SRSF7: variants seen among roughly 807,000 people sequenced by gnomAD.
SRSF7 encodes the protein serine and arginine rich splicing factor 7.
A neutral mutation model predicts 42.2 loss-of-function variants in SRSF7; 15 were observed. That is an observed-to-expected ratio of 0.36 (90% CI 0.24 to 0.55). SRSF7 has a LOEUF of 0.55. Ranked by LOEUF, SRSF7 falls within the 20% of genes least tolerant of loss-of-function variation. The probability of loss-of-function intolerance (pLI) is 0.88; values close to 1 mark genes in which losing one functional copy is unlikely to be tolerated. For synonymous variants in SRSF7, 138 were observed against 107.9 expected (o/e 1.28, Z -1.73); for missense variants, 181 against 305.9 (o/e 0.59, Z 3.04).
At chr2:38,751,082 T>A in intron 1 of SRSF7, 147 bp downstream of exon 1, 1 of 1,045,944 alleles carries the variant, frequency 9.6e-7, no homozygotes, top group Non-Finnish European at 1.5e-6. Flanking sequence ...GCACCCCGCC[T>A]CCGCTGCCTC....
intron 5 of SRSF7, 89 bp from the exon 6 acceptor site, chr2:38,746,836 A>G: frequency 6.4e-7 from 1 of 1,572,034 alleles, no homozygotes; most frequent in South Asian, 1.2e-5. Flanking sequence ...TTGGTCAGGC[A>G]TAAAGAAGCT....
chr2:38,751,423 CGTT>C (rs774773896), upstream of SRSF7: 43 of 861,112 alleles, frequency 5.0e-5, no homozygotes, highest in Middle Eastern at 7.1e-4. Flanking sequence ...TGCGTCATCT[CGTT>C]GTTCTGCGCG....
In SRSF7 at chr2:38,748,186, C is replaced by T. The variant is rs201338373; in HGVS notation, c.462-29G>A. On this transcript the variant is annotated intron_variant, in intron 4 of 7. Transcript: ENST00000313117. ...AAATAAAGAACTTTAAGTCCATCTCCACAGTTTTTTTTTTTTTTGGCCTGT... is the reference window on the plus strand; with the variant it reads ...AAATAAAGAACTTTAAGTCCATCTCTACAGTTTTTTTTTTTTTTGGCCTGT... 2.2e-5 allele frequency: 33 copies of T among 1,518,178 alleles called. No homozygotes were observed. In the East Asian group the frequency reaches 7.0e-4, roughly 32 times the overall value. 94.0% of individuals were successfully genotyped at this position (1,518,178 alleles called of 1,614,324 possible).
intron 3 of SRSF7, 105 bp from the exon 4 acceptor site, chr2:38,748,758 GTC>G: frequency 7.6e-7 from 1 of 1,316,668 alleles, no homozygotes; most frequent in East Asian, 2.3e-5. Flanking sequence ...TAAATTTAGT[GTC>G]TCATTTGGAA....
intron 1 of SRSF7, chr2:38,750,956 GA>G: frequency 4.9e-6 from 2 of 407,650 alleles, no homozygotes; most frequent in South Asian, 3.0e-5. Context: ...GCAGCTCCGA[GA>G]AAGGCAACGC....
At chr2:38,748,493 C>CA (rs1208258829) in intron 4 of SRSF7, 86 bp downstream of exon 4, 101 of 1,411,796 alleles carry the variant, frequency 7.2e-5, no homozygotes, top group Non-Finnish European at 8.4e-5. Context: ...ACCCTGTCTC[C>CA]AAAAAAAATA....
At chr2:38,748,976 G>T in intron 3 of SRSF7, 1 of 1,288,316 alleles carries the variant, frequency 7.8e-7, no homozygotes. Context: ...ATAGCCGATC[G>T]CTGCATCTAG....
At chr2:38,747,970 G>A (rs553144486) in intron 5 of SRSF7, 77 bp downstream of exon 5, 21 of 1,011,522 alleles carry the variant, frequency 2.1e-5, no homozygotes, top group East Asian at 2.5e-5. Flanking sequence ...CAATCCATTT[G>A]AATTATGTCC....
intron 1 of SRSF7, 161 bp downstream of exon 1, chr2:38,751,068 T>G (rs907274379): frequency 2.2e-6 from 2 of 897,700 alleles, no homozygotes; most frequent in African/African-American, 3.3e-5. Flanking sequence ...CCCGTCTCCC[T>G]TCAGCACCCC....
At position 38,743,721 on chromosome 2, in the gene SRSF7, C is replaced by G; in HGVS notation, c.*1412G>C. The G allele has an allele frequency of 1.3e-5, 2 of 152,626 alleles. No individual in the cohort carries two copies. Among genetic ancestry groups the G allele is most frequent in the South Asian group, 4.1e-4 (2 of 4,828 alleles). The allele number at this position is 152,626 out of a possible 1,614,324, so 9.5% of individuals were successfully genotyped here. A position where few individuals can be genotyped will look rare whatever the true frequency, so the allele number is the denominator to read the frequency against. On this transcript the variant is annotated 3_prime_UTR_variant, in exon 8 of 8. Coordinates refer to ENST00000313117, the MANE Select transcript of SRSF7 (RefSeq NM_001031684.3). ...TGCCAGTTATACACATAACTTTATA[C>G]CAACCATAATTCAGCCAGTCAAAAT...
chr2:38,748,436 T>C (rs1018770946), intron 4 of SRSF7, 143 bp downstream of exon 4: 3 of 809,772 alleles, frequency 3.7e-6, no homozygotes, highest in African/African-American at 3.4e-5. Flanking sequence ...AAGGCAGCAG[T>C]GAGTCGTGGT....
chr2:38,746,802 T>G (rs1158277661), intron 5 of SRSF7, 55 bp from the exon 6 acceptor site: 7 of 1,605,708 alleles, frequency 4.4e-6, no homozygotes, highest in Middle Eastern at 1.7e-4. Context: ...AGGAATTTCC[T>G]TAACTACTCA....
In SRSF7 at chr2:38,744,591, C is replaced by G; in HGVS notation, c.*542G>C. On this transcript the variant is annotated 3_prime_UTR_variant, in exon 8 of 8. Coordinates refer to ENST00000313117, the MANE Select transcript of SRSF7 (RefSeq NM_001031684.3). Reference sequence around the variant, plus strand: ...TGGTCCTACTTGCTTCACCACTGATCATACAATACCTACTAACACCAACTT... The same window carrying G: ...TGGTCCTACTTGCTTCACCACTGATGATACAATACCTACTAACACCAACTT... 1.3e-5 allele frequency: 2 copies of G among 152,958 alleles called. No individual in the cohort carries two copies. The highest frequency in any genetic ancestry group is 1.5e-5 in the Non-Finnish European group (1 of 68,578). The allele number at this position is 152,958 out of a possible 1,614,324, so 9.5% of individuals were successfully genotyped here.
At chr2:38,747,882 T>A (rs1265014910) in intron 5 of SRSF7, among the ~76,000 whole-genome samples, 165 bp downstream of exon 5, 1 of 152,224 alleles carries the variant, frequency 6.6e-6, no homozygotes, top group Admixed American at 6.5e-5. Context: ...CTTTTCTTCA[T>A]CTGTAAAACT....
At position 38,748,861 on chromosome 2, in the gene SRSF7, A is replaced by G; in HGVS notation, c.387-208T>C. On this transcript the variant is annotated intron_variant, in intron 3 of 7. Coordinates refer to ENST00000313117, the MANE Select transcript of SRSF7 (RefSeq NM_001031684.3). Reference sequence around the variant, plus strand: ...AAGCTGAATTACAACTTAGCATTACATAATATAAAACACTGTAATGTGTAT... The same window carrying G: ...AAGCTGAATTACAACTTAGCATTACGTAATATAAAACACTGTAATGTGTAT... 6 of 1,378,586 alleles carry G rather than the reference A, an allele frequency of 4.4e-6. No individual in the cohort carries two copies. The African/African-American group carries it at 4.4e-5, about 10-fold the overall frequency. 85.4% of individuals were successfully genotyped at this position (1,378,586 alleles called of 1,614,324 possible).
chr2:38,746,270 A>C, intron 6 of SRSF7, 91 bp from the exon 7 acceptor site: 7 of 1,431,898 alleles, frequency 4.9e-6, no homozygotes, highest in Non-Finnish European at 6.9e-6. Context: ...CAAATGTCCT[A>C]AGCTTAAAAT....
intron 1 of SRSF7, chr2:38,750,960 G>A (rs1179795972): frequency 4.1e-5 from 17 of 412,568 alleles, no homozygotes; most frequent in East Asian, 9.0e-5. Flanking sequence ...CTCCGAGAAA[G>A]GCAACGCGAA....
chr2:38,749,463 G>A (rs1436697479), intron 3 of SRSF7, 66 bp downstream of exon 3: 6 of 1,545,728 alleles, frequency 3.9e-6, no homozygotes, highest in Admixed American at 4.2e-5. Flanking sequence ...ACTAGTTTCT[G>A]CCTTGCTAAT....
chr2:38,750,827 T>A (rs1025333853), intron 1 of SRSF7: 6 of 227,402 alleles, frequency 2.6e-5, no homozygotes, highest in Non-Finnish European at 4.5e-5. Context: ...ATCTTACAGC[T>A]GCGGCCAGAT....
Sources: gnomAD v4.1 joint callset for allele counts (sites outside exome capture counted in the v4.1 genomes callset) on GRCh38, gnomAD v4.1.1 for gene constraint, MANE v1.5 for transcripts, NCBI Gene and HGNC (gene_info 2026-07-23, HGNC 2026-07-21) for gene names.